Variants in PGD observed in about 807,000 individuals in gnomAD.
PGD encodes the protein phosphogluconate dehydrogenase, also known as 6-phosphogluconate dehydrogenase, decarboxylating.
Under a neutral mutation model 60.4 loss-of-function variants are expected in PGD, and 21 were observed. The ratio of observed to expected loss-of-function variants is 0.35; its 90% confidence interval spans 0.25 to 0.50. The LOEUF is 0.50. Ranked by LOEUF, PGD falls within the 20% of genes least tolerant of loss-of-function variation. The pLI, the probability that PGD is intolerant of heterozygous loss-of-function variation, is 0.98. For synonymous variants in PGD, 230 were observed against 235.9 expected, an observed-to-expected ratio of 0.97 and a Z score of 0.23; for missense variants, 477 against 613.1, an observed-to-expected ratio of 0.78 and a Z score of 2.34.
intron 7 of PGD, 43 bp downstream of exon 7, chr1:10,411,595 G>A (rs747303063): frequency 8.1e-6 from 13 of 1,610,926 alleles, no homozygotes; most frequent in Non-Finnish European, 1.0e-5. Context: ...TGCAGGGAGT[G>A]CTCACTTTGC....
chr1:10,399,468 G>T, intron 1 of PGD, 161 bp from the exon 2 acceptor site: 1 of 547,104 alleles, frequency 1.8e-6, no homozygotes, highest in Non-Finnish European at 3.0e-6. Context: ...CTGCCCGGCC[G>T]AGGCTCTGCA....
chr1:10,418,982 T>C, intron 11 of PGD, 57 bp downstream of exon 11: 1 of 980,190 alleles, frequency 1.0e-6, no homozygotes, highest in Non-Finnish European at 1.6e-6. Context: ...CCATCAGTTG[T>C]GATGTTTGGT....
intron 8 of PGD, among the ~76,000 whole-genome samples, chr1:10,416,370 T>C (rs773388759): frequency 1.3e-5 from 2 of 152,274 alleles, no homozygotes; most frequent in Non-Finnish European, 2.9e-5. Flanking sequence ...TTAAGAGTTT[T>C]AGTTATCAAA....
intron 6 of PGD, 64 bp downstream of exon 6, chr1:10,408,204 G>T (rs907276703): frequency 1.1e-6 from 1 of 911,792 alleles, no homozygotes. Context: ...GATGAAGTGC[G>T]TGGAGAAAGG....
chr1:10,402,151 C>T (rs1639326825), intron 3 of PGD, among the ~76,000 whole-genome samples: 1 of 152,178 alleles, frequency 6.6e-6, no homozygotes, highest in African/African-American at 2.4e-5. Context: ...GTCATAAAAT[C>T]ATTCATTCAT....
intron 5 of PGD, among the ~76,000 whole-genome samples, chr1:10,405,801 A>G (rs1452106759): frequency 6.6e-6 from 1 of 152,042 alleles, no homozygotes; most frequent in East Asian, 2.0e-4. Context: ...TCACCACTGC[A>G]CTCCATCATG....
chr1:10,402,981 T>C (rs1194705565), intron 3 of PGD, 90 bp from the exon 4 acceptor site: 3 of 904,622 alleles, frequency 3.3e-6, no homozygotes, highest in Non-Finnish European at 3.7e-6. Flanking sequence ...CTTTTTAGAC[T>C]ATGTTTATTT....
Position 10,419,980 on chromosome 1 carries a change from G to GC in PGD, c.*231_*232insC. ...AGGAGCTGCTCATGTGCGTGAGAGT[G>GC]GGAACCATCTCCTTGCGGCAGTGGC... On this transcript the variant is annotated 3_prime_UTR_variant, in exon 13 of 13. Coordinates refer to ENST00000270776, the MANE Select transcript of PGD (RefSeq NM_002631.4). 1.9e-6 allele frequency: 1 copy of GC among 530,466 alleles called. No individual in the cohort carries two copies. Among genetic ancestry groups the GC allele is most frequent in the Non-Finnish European group, 3.4e-6 (1 of 295,458 alleles). 32.9% of individuals were successfully genotyped at this position (530,466 alleles called of 1,614,324 possible).
intron 7 of PGD, 41 bp from the exon 8 acceptor site, chr1:10,413,021 T>A (rs776083182): frequency 1.3e-6 from 2 of 1,564,312 alleles, no homozygotes; most frequent in Admixed American, 3.4e-5. Flanking sequence ...TGCTCAGCCC[T>A]CATTCCTCTA....
At chr1:10,418,213 A>C (rs1424811953) in intron 10 of PGD, among the ~76,000 whole-genome samples, 1 of 152,238 alleles carries the variant, frequency 6.6e-6, no homozygotes, top group Non-Finnish European at 1.5e-5. Flanking sequence ...TCTGAAGTAG[A>C]TGATTCTGGT....
intron 10 of PGD, 144 bp from the exon 11 acceptor site, chr1:10,418,682 G>A: frequency 3.6e-6 from 2 of 561,996 alleles, no homozygotes; most frequent in South Asian, 2.0e-5. Context: ...GGCTGAGGCA[G>A]GAGAATCGCT....
chr1:10,401,226 T>G (rs1405184556), intron 3 of PGD, among the ~76,000 whole-genome samples: 2 of 152,018 alleles, frequency 1.3e-5, no homozygotes, highest in African/African-American at 2.4e-5. Flanking sequence ...AAAATCAAGA[T>G]CTCCTTAGGG....
In PGD at chr1:10,412,969, C is replaced by G. The variant is rs551662050; in HGVS notation, c.655-93C>G. 3.7e-6 allele frequency: 4 copies of G among 1,083,064 alleles called. No homozygotes were observed. In the East Asian group the frequency reaches 9.5e-5, roughly 26 times the overall value. The allele number at this position is 1,083,064 out of a possible 1,614,324, so 67.1% of individuals were successfully genotyped here. On this transcript the variant is annotated intron_variant, in intron 7 of 12. Coordinates refer to ENST00000270776, the MANE Select transcript of PGD (RefSeq NM_002631.4). ...GACGCGAGCAGAGCCTGCTGGCAAC[C>G]GTGAGCATTGGTCAGCGTGGACATT...
At chr1:10,419,000 T>C in intron 11 of PGD, 75 bp downstream of exon 11, 1 of 858,264 alleles carries the variant, frequency 1.2e-6, no homozygotes, top group South Asian at 1.5e-5. Context: ...GGTTTTTTGT[T>C]TTTTTTTTTT....
intron 5 of PGD, among the ~76,000 whole-genome samples, chr1:10,404,737 C>T (rs562663249): frequency 6.6e-6 from 1 of 152,214 alleles, no homozygotes; most frequent in South Asian, 2.1e-4. Flanking sequence ...TGACCTTAGG[C>T]GATCTGCCCG....
In PGD at chr1:10,408,118, C is replaced by T; in HGVS notation, c.497C>T (p.Thr166Ile). The T allele has an allele frequency of 6.2e-7, 1 of 1,600,736 alleles. No homozygotes were observed. Among genetic ancestry groups the T allele is most frequent in the Non-Finnish European group, 8.6e-7 (1 of 1,167,672 alleles). The change falls in exon 6 of 13, where the codon ACT becomes ATT. Residue 166 changes from threonine (T) to isoleucine (I), a missense_variant. Coordinates refer to ENST00000270776, the MANE Select transcript of PGD (RefSeq NM_002631.4). ...IFQGIAAKVGTGEPCCDWVGD... is the reference protein window; with the variant it reads ...IFQGIAAKVGIGEPCCDWVGD... The stretch of plus-strand genomic sequence containing the variant: ...CAAGGCATTGCTGCAAAAGTGGGAA[C>T]TGGAGAACCCTGCTGTGACTGGGCA...
chr1:10,404,335 C>A, intron 5 of PGD, 56 bp downstream of exon 5: 2 of 1,135,976 alleles, frequency 1.8e-6, no homozygotes, highest in Non-Finnish European at 1.3e-6. Context: ...ACTTTGAGAA[C>A]GAATAAGCCA....
chr1:10,404,042 C>A, intron 4 of PGD, 119 bp from the exon 5 acceptor site: 1 of 722,212 alleles, frequency 1.4e-6, no homozygotes, highest in East Asian at 2.6e-5. Context: ...AATGTAGGCT[C>A]TCCATTCCTA....
chr1:10,410,993 A>C (rs1639489824), intron 6 of PGD, among the ~76,000 whole-genome samples: 1 of 152,116 alleles, frequency 6.6e-6, no homozygotes. Flanking sequence ...TTTGAAAAAA[A>C]ACAAGTGATT....
Sources: allele counts gnomAD v4.1 joint callset (sites outside exome capture counted in the v4.1 genomes callset), GRCh38; gene constraint gnomAD v4.1.1; transcripts MANE v1.5; gene names NCBI Gene and HGNC (gene_info 2026-07-23, HGNC 2026-07-21).